PHF20: variants seen among roughly 807,000 people sequenced by gnomAD.
The protein encoded by PHF20 is PHD finger protein 20.
In PHF20, 23 loss-of-function variants were observed where a neutral mutation model predicts 113.5. That is an observed-to-expected ratio of 0.20 (90% CI 0.15 to 0.29). PHF20 has a LOEUF of 0.29. Among genes scored for constraint, PHF20 ranks in the 10% least tolerant of loss-of-function variants. The probability of loss-of-function intolerance (pLI) is 1.00; values close to 1 mark genes in which losing one functional copy is unlikely to be tolerated. For missense variants in PHF20, 943 were observed against 1,219.6 expected (o/e 0.77, Z 3.38); for synonymous variants, 434 against 457.3 (o/e 0.95, Z 0.65).
intron 9 of PHF20, among the ~76,000 whole-genome samples, chr20:35,881,516 G>A (rs562172278): frequency 6.7e-6 from 1 of 149,184 alleles, no homozygotes; most frequent in South Asian, 2.1e-4. Context: ...ACTCCAGCCT[G>A]GGCGACAGAG....
At chr20:35,885,053 C>CGA (rs924919081) in intron 9 of PHF20, among the ~76,000 whole-genome samples, 11 of 152,064 alleles carry the variant, frequency 7.2e-5, no homozygotes, top group African/African-American at 2.7e-4. Context: ...AAGCTGGTCT[C>CGA]GAACTCCTGA....
chr20:35,880,187 G>T (rs6142457), intron 9 of PHF20, among the ~76,000 whole-genome samples: 1 of 152,180 alleles, frequency 6.6e-6, no homozygotes, highest in African/African-American at 2.4e-5. Flanking sequence ...GTGATACTTA[G>T]GTTGGTGCTT....
intron 14 of PHF20, among the ~76,000 whole-genome samples, chr20:35,929,981 G>A (rs1171412374): frequency 6.6e-6 from 1 of 152,240 alleles, no homozygotes; most frequent in Non-Finnish European, 1.5e-5. Flanking sequence ...TATAGATATT[G>A]ACAGTCGAAC....
chr20:35,782,149 A>C (rs79010119), intron 1 of PHF20, among the ~76,000 whole-genome samples: 7,273 of 151,888 alleles, frequency 0.048, 217 homozygotes, highest in African/African-American at 0.089. Flanking sequence ...AATTCTGTGT[A>C]ATGTGCTTTG....
intron 12 of PHF20, among the ~76,000 whole-genome samples, chr20:35,915,379 T>C (rs1427107582): frequency 6.6e-6 from 1 of 151,454 alleles, no homozygotes; most frequent in Non-Finnish European, 1.5e-5. Context: ...TTTTGTTTTG[T>C]TTTGTTTTGC....
intron 2 of PHF20, among the ~76,000 whole-genome samples, chr20:35,829,470 C>T (rs1444104644): frequency 6.7e-6 from 1 of 149,320 alleles, no homozygotes; most frequent in Admixed American, 6.6e-5. Context: ...CTCAGCCTCC[C>T]GAGTAGCTGG....
chr20:35,778,205 T>G (rs1347189290), intron 1 of PHF20, among the ~76,000 whole-genome samples: 2 of 152,162 alleles, frequency 1.3e-5, no homozygotes, highest in African/African-American at 4.8e-5. Context: ...TGCCTCAGCC[T>G]CCTGAGTAGC....
At chr20:35,809,299 C>T (rs2146879807) in intron 2 of PHF20, among the ~76,000 whole-genome samples, 1 of 151,776 alleles carries the variant, frequency 6.6e-6, no homozygotes, top group South Asian at 2.1e-4. Context: ...ATATTCTGGG[C>T]CTGGTGTGGT....
rs2054375350 is a variant in PHF20 at position 35,869,322 on chromosome 20, T to C, written c.809-116T>C. ...GTAAGAATGCCCTTTTGATGGCCCATTTATAATGCAGTGATTTCTGCATAT... is the reference window on the plus strand; with the variant it reads ...GTAAGAATGCCCTTTTGATGGCCCACTTATAATGCAGTGATTTCTGCATAT... On this transcript the variant is annotated intron_variant, in intron 6 of 17. Transcript: ENST00000374012. 4 of 512,244 alleles carry C rather than the reference T, an allele frequency of 7.8e-6. No individual in the cohort carries two copies. The Admixed American group carries it at 1.2e-4, about 15-fold the overall frequency. 31.7% of individuals were successfully genotyped at this position (512,244 alleles called of 1,614,324 possible). A position where few individuals can be genotyped will look rare whatever the true frequency, so the allele number is the denominator to read the frequency against.
intron 2 of PHF20, among the ~76,000 whole-genome samples, chr20:35,823,376 G>A (rs2042205007): frequency 6.7e-6 from 1 of 150,264 alleles, no homozygotes; most frequent in Non-Finnish European, 1.5e-5. Flanking sequence ...CAACGTGGGA[G>A]GATTGCTTGA....
chr20:35,859,733 C>T (rs2054182690), intron 5 of PHF20, among the ~76,000 whole-genome samples: 1 of 152,028 alleles, frequency 6.6e-6, no homozygotes, highest in South Asian at 2.1e-4. Flanking sequence ...TTGGTAGAGA[C>T]AGGGTTTCAC....
rs969295795 is a variant in PHF20 at position 35,949,296 on chromosome 20, G to A, written c.*1669G>A. 6.6e-6 allele frequency: 1 copy of A among 152,448 alleles called. No individual in the cohort carries two copies. The highest frequency in any genetic ancestry group is 2.4e-5 in the African/African-American group (1 of 41,450). The allele number at this position is 152,448 out of a possible 1,614,324, so 9.4% of individuals were successfully genotyped here. A position where few individuals can be genotyped will look rare whatever the true frequency, so the allele number is the denominator to read the frequency against. ...ACGTTCAGACAGCTGCATTGTAAGA[G>A]TTCTGTCATGCAGTCTGAAAAGGGA... On this transcript the variant is annotated 3_prime_UTR_variant, in exon 18 of 18. Transcript: ENST00000374012.
intron 17 of PHF20, among the ~76,000 whole-genome samples, chr20:35,941,309 G>C (rs534524057): frequency 2.0e-5 from 3 of 152,296 alleles, no homozygotes; most frequent in Admixed American, 6.5e-5. Flanking sequence ...GCAGAGAGAG[G>C]GCAACTGGCA....
chr20:35,852,975 C>A (rs1403525291), intron 4 of PHF20, among the ~76,000 whole-genome samples: 1 of 149,066 alleles, frequency 6.7e-6, no homozygotes, highest in Non-Finnish European at 1.5e-5. Context: ...GTAATCCCAG[C>A]ACTTTTGGAG....
intron 6 of PHF20, among the ~76,000 whole-genome samples, chr20:35,867,979 T>G (rs989666058): frequency 6.6e-6 from 1 of 152,084 alleles, no homozygotes; most frequent in Non-Finnish European, 1.5e-5. Flanking sequence ...GGGGTAAGCT[T>G]CTTAGGTGGT....
chr20:35,879,578 CCAGA>C (rs1447769859), intron 9 of PHF20, among the ~76,000 whole-genome samples: 5 of 151,990 alleles, frequency 3.3e-5, no homozygotes, highest in African/African-American at 1.2e-4. Flanking sequence ...GCTGGTTTGG[CCAGA>C]CAGTGTACCC....
At chr20:35,831,353 A>G (rs1330304037) in intron 2 of PHF20, among the ~76,000 whole-genome samples, 1 of 152,206 alleles carries the variant, frequency 6.6e-6, no homozygotes, top group South Asian at 2.1e-4. Flanking sequence ...TTGTACAGAC[A>G]GATGGGGTCT....
intron 9 of PHF20, among the ~76,000 whole-genome samples, chr20:35,898,904 C>T (rs998924653): frequency 6.6e-6 from 1 of 152,120 alleles, no homozygotes; most frequent in African/African-American, 2.4e-5. Context: ...AACCACCATG[C>T]CCAGCCCATT....
chr20:35,814,896 T>A (rs768373863), intron 2 of PHF20, among the ~76,000 whole-genome samples: 11,076 of 134,862 alleles, frequency 0.082, 572 homozygotes, highest in South Asian at 0.11. Context: ...AAAAATAAAA[T>A]AAATAAATAA....
Sources: gnomAD v4.1 joint callset for allele counts (sites outside exome capture counted in the v4.1 genomes callset) on GRCh38, gnomAD v4.1.1 for gene constraint, MANE v1.5 for transcripts, NCBI Gene and HGNC (gene_info 2026-07-23, HGNC 2026-07-21) for gene names.